CEPT1: variants seen among roughly 807,000 people sequenced by gnomAD.
CEPT1 encodes choline/ethanolaminephosphotransferase 1.
In CEPT1, 7 loss-of-function variants were observed where a neutral mutation model predicts 42.6. That is an observed-to-expected ratio of 0.16 (90% CI 0.09 to 0.31). CEPT1 has a LOEUF of 0.31. CEPT1 is among the 10% of genes least tolerant of loss of function. The probability of loss-of-function intolerance (pLI) is 1.00; values close to 1 mark genes in which losing one functional copy is unlikely to be tolerated. For missense variants in CEPT1, 306 were observed against 502.1 expected (o/e 0.61, Z 3.73); for synonymous variants, 171 against 171.9 (o/e 0.99, Z 0.04).
chr1:111,144,916 T>A (rs1345895775), intron 1 of CEPT1, among the ~76,000 whole-genome samples: 2 of 152,240 alleles, frequency 1.3e-5, no homozygotes. Flanking sequence ...TAAACATTAC[T>A]TTAAAACAGT....
At chr1:111,162,105 A>G (rs1031814433) in intron 4 of CEPT1, among the ~76,000 whole-genome samples, 1 of 152,190 alleles carries the variant, frequency 6.6e-6, no homozygotes, top group Non-Finnish European at 1.5e-5. Context: ...AGATCCAGAA[A>G]ATCAAGGTCC....
intron 4 of CEPT1, among the ~76,000 whole-genome samples, chr1:111,163,598 C>T (rs1655983491): frequency 6.7e-6 from 1 of 149,718 alleles, no homozygotes; most frequent in Non-Finnish European, 1.5e-5. Flanking sequence ...AGAGCAAGAA[C>T]ATGTCTCAAA....
intron 5 of CEPT1, chr1:111,179,441 A>G (rs1044996872): frequency 1.3e-5 from 2 of 152,180 alleles, no homozygotes; most frequent in African/African-American, 2.4e-5. Flanking sequence ...TAAAGAGTGG[A>G]TGCACTTTGG....
At chr1:111,167,261 T>C in intron 4 of CEPT1, 1 of 985,164 alleles carries the variant, frequency 1.0e-6, no homozygotes, top group Non-Finnish European at 1.2e-6. Context: ...ACCTTTGTCA[T>C]GCACAGAATA....
intron 2 of CEPT1, among the ~76,000 whole-genome samples, chr1:111,153,494 T>C (rs1461653707): frequency 3.3e-5 from 5 of 152,194 alleles, no homozygotes; most frequent in Admixed American, 3.3e-4. Flanking sequence ...GTCTCTACTT[T>C]AGTTTTTCTT....
chr1:111,142,276 G>T (rs1489175582), intron 1 of CEPT1, among the ~76,000 whole-genome samples: 1 of 152,056 alleles, frequency 6.6e-6, no homozygotes, highest in Admixed American at 6.5e-5. Flanking sequence ...AAAATTCTTT[G>T]TCAGACCGTA....
intron 2 of CEPT1, among the ~76,000 whole-genome samples, 156 bp downstream of exon 2, chr1:111,148,209 A>G (rs952513496): frequency 1.3e-5 from 2 of 152,222 alleles, no homozygotes; most frequent in Non-Finnish European, 2.9e-5. Flanking sequence ...AGTACAGCCT[A>G]CACACTTGCT....
chr1:111,164,518 T>C (rs1557933097), intron 4 of CEPT1, among the ~76,000 whole-genome samples: 2 of 152,200 alleles, frequency 1.3e-5, no homozygotes, highest in Admixed American at 6.5e-5. Context: ...GATATTTATA[T>C]CTTAAATTAT....
intron 1 of CEPT1, among the ~76,000 whole-genome samples, chr1:111,141,974 C>A (rs111318690): frequency 3.3e-5 from 5 of 151,812 alleles, no homozygotes; most frequent in African/African-American, 1.2e-4. Context: ...TTAGACATGG[C>A]GGGGATGGAA....
At chr1:111,170,722 T>C (rs1011077121) in intron 4 of CEPT1, among the ~76,000 whole-genome samples, 11 of 152,180 alleles carry the variant, frequency 7.2e-5, no homozygotes, top group African/African-American at 2.2e-4. Context: ...CAGATAATTA[T>C]AAACCTGGAG....
At chr1:111,174,761 A>G (rs563713410) in intron 4 of CEPT1, 118 bp from the exon 5 acceptor site, 3 of 563,550 alleles carry the variant, frequency 5.3e-6, no homozygotes, top group South Asian at 2.9e-5. Flanking sequence ...CCTTTCCTCA[A>G]TATTTGAGAT....
chr1:111,162,989 TCTG>T (rs1049846323), intron 4 of CEPT1, among the ~76,000 whole-genome samples: 9 of 151,984 alleles, frequency 5.9e-5, no homozygotes, highest in Admixed American at 5.9e-4. Flanking sequence ...TCAGAAGAAA[TCTG>T]CTAGAGAAGA....
chr1:111,145,120 A>G (rs929155338), intron 1 of CEPT1, among the ~76,000 whole-genome samples: 8 of 152,146 alleles, frequency 5.3e-5, no homozygotes, highest in African/African-American at 1.2e-4. Context: ...GGGTCAAGCA[A>G]TTCTCCTGCC....
At position 111,147,926 on chromosome 1, in the gene CEPT1, A is replaced by G. The variant is rs1655061891; in HGVS notation, c.212A>G (p.Tyr71Cys). The G allele has an allele frequency of 6.2e-7, 1 of 1,614,056 alleles. No individual in the cohort carries two copies. ...RSLLEPLMQG[Y>C]WEWLVRRVPS... ...CTGCTTGAGCCCTTAATGCAAGGGT[A>G]TTGGGAATGGCTCGTTAGAAGAGTT... The change falls in exon 2 of 9, where the codon TAT (tyrosine) becomes TGT (cysteine). Residue 71 changes from tyrosine to cysteine, a missense_variant. Around this residue, in one of 2 missense-constraint regions of CEPT1, gnomAD observed 253 missense variants for 447.3 expected, o/e 0.57. Transcript: ENST00000357172.
intron 5 of CEPT1, chr1:111,181,675 C>A (rs528798861): frequency 6.6e-6 from 1 of 152,164 alleles, no homozygotes; most frequent in Non-Finnish European, 1.5e-5. Flanking sequence ...GAGTTGGGAA[C>A]TCTTCTGAAT....
At chr1:111,177,263 CAA>C (rs1656725651) in intron 5 of CEPT1, among the ~76,000 whole-genome samples, 1 of 152,114 alleles carries the variant, frequency 6.6e-6, no homozygotes, top group Admixed American at 6.6e-5. Context: ...GGTCTGTGCA[CAA>C]AGATATATTG....
intron 1 of CEPT1, among the ~76,000 whole-genome samples, chr1:111,145,722 G>C (rs1044228739): frequency 1.3e-5 from 2 of 152,156 alleles, no homozygotes; most frequent in African/African-American, 4.8e-5. Flanking sequence ...CCATGGCCGG[G>C]TCTCAGTTCA....
rs1431413609 is a variant in CEPT1 at position 111,185,014 on chromosome 1, G to A, written c.*704G>A. On this transcript the variant is annotated 3_prime_UTR_variant, in exon 9 of 9. Coordinates refer to ENST00000357172, the MANE Select transcript of CEPT1 (RefSeq NM_006090.5). ...AACTTTTTCTCAGTTTTACTCAGTGGAAAGATAAACTAAGTTTTAATGTTA... is the reference window on the plus strand; with the variant it reads ...AACTTTTTCTCAGTTTTACTCAGTGAAAAGATAAACTAAGTTTTAATGTTA... 6.6e-6 allele frequency: 1 copy of A among 152,140 alleles called. No homozygotes were observed. The highest frequency in any genetic ancestry group is 2.4e-5 in the African/African-American group (1 of 41,286). 9.4% of individuals were successfully genotyped at this position (152,140 alleles called of 1,614,324 possible). A position where few individuals can be genotyped will look rare whatever the true frequency, so the allele number is the denominator to read the frequency against.
chr1:111,152,397 T>G (rs1655329621), intron 2 of CEPT1, among the ~76,000 whole-genome samples: 1 of 152,164 alleles, frequency 6.6e-6, no homozygotes, highest in African/African-American at 2.4e-5. Flanking sequence ...AATCTTCCCT[T>G]TTTTATCTGC....
Sources: allele counts gnomAD v4.1 joint callset (sites outside exome capture counted in the v4.1 genomes callset), GRCh38; gene constraint gnomAD v4.1.1; regional missense constraint gnomAD v4.1.1; transcripts MANE v1.5; gene names NCBI Gene and HGNC (gene_info 2026-07-23, HGNC 2026-07-21).